The following HEMK2 variants were observed in gnomAD, a reference collection of about 807,000 sequenced individuals.
The protein encoded by HEMK2 is HemK methyltransferase 2, ETF1 glutamine and histone H4 lysine.
chr21:28,670,774 C>T, the HEMK2 span, among the ~76,000 whole-genome samples: 58 of 152,256 alleles, frequency 3.8e-4, 1 homozygote, highest in African/African-American at 1.4e-3. Context: ...GCTAAGGAGG[C>T]ATGTCTTACA....
chr21:28,678,127 AAAG>A, the HEMK2 span, among the ~76,000 whole-genome samples: 5 of 152,196 alleles, frequency 3.3e-5, no homozygotes, highest in Non-Finnish European at 7.3e-5. Context: ...AACCCATGGC[AAAG>A]AAGTTAAAAA....
chr21:28,864,910 T>TA, the HEMK2 span, among the ~76,000 whole-genome samples: 232 of 22,404 alleles, frequency 0.01, 2 homozygotes, highest in South Asian at 0.022. Context: ...TATAGATAGA[T>TA]GATATAGATA....
chr21:28,847,859 C>A, the HEMK2 span, among the ~76,000 whole-genome samples: 479 of 152,278 alleles, frequency 3.1e-3, 2 homozygotes, highest in Middle Eastern at 0.017. Flanking sequence ...TATCCCAGCA[C>A]CATTTACAGA....
chr21:28,576,650 G>A, the HEMK2 span, among the ~76,000 whole-genome samples: 1 of 151,982 alleles, frequency 6.6e-6, no homozygotes, highest in Non-Finnish European at 1.5e-5. Flanking sequence ...TGATTATGAA[G>A]ATGCACTCTA....
At chr21:28,758,510 T>TCC in the HEMK2 span, among the ~76,000 whole-genome samples, 1 of 151,852 alleles carries the variant, frequency 6.6e-6, no homozygotes, top group Admixed American at 6.6e-5. Context: ...GGAAAGGAAA[T>TCC]CCGTGTGGCA....
the HEMK2 span, among the ~76,000 whole-genome samples, chr21:28,600,259 C>A: frequency 1.3e-5 from 2 of 152,266 alleles, no homozygotes; most frequent in Non-Finnish European, 2.9e-5. Context: ...GGACATCCAA[C>A]TGCTTCTATA....
the HEMK2 span, among the ~76,000 whole-genome samples, chr21:28,589,229 G>A: frequency 3.9e-5 from 6 of 152,086 alleles, no homozygotes; most frequent in African/African-American, 9.7e-5. Context: ...GTATTATTCT[G>A]TATTGAGGTA....
At chr21:28,847,542 G>A in the HEMK2 span, among the ~76,000 whole-genome samples, 2 of 152,110 alleles carry the variant, frequency 1.3e-5, no homozygotes, top group Admixed American at 1.3e-4. Context: ...TGCATAGTTT[G>A]CAAATATTTT....
the HEMK2 span, among the ~76,000 whole-genome samples, chr21:28,879,239 C>G: frequency 1.3e-5 from 2 of 152,016 alleles, no homozygotes; most frequent in Non-Finnish European, 2.9e-5. Flanking sequence ...CGCAAGCCAC[C>G]ATGCCTGGCT....
At chr21:28,831,455 A>AAAAGAAAGAAAGAAAG in the HEMK2 span, among the ~76,000 whole-genome samples, 1 of 56,968 alleles carries the variant, frequency 1.8e-5, no homozygotes, top group Non-Finnish European at 3.0e-5. Context: ...AAAAAGAAAG[A>AAAAGAAAGAAAGAAAG]AAAGAACGAA....
the HEMK2 span, among the ~76,000 whole-genome samples, chr21:28,760,438 T>G: frequency 6.6e-6 from 1 of 152,228 alleles, no homozygotes; most frequent in Admixed American, 6.5e-5. Context: ...TAAACAGTTA[T>G]GTCTGTATTC....
At chr21:28,620,137 A>T in the HEMK2 span, among the ~76,000 whole-genome samples, 77 of 152,290 alleles carry the variant, frequency 5.1e-4, no homozygotes, top group African/African-American at 1.6e-3. Context: ...CCTGGTGGAT[A>T]AGCTTTTTGA....
chr21:28,617,270 A>G, the HEMK2 span, among the ~76,000 whole-genome samples: 1 of 152,218 alleles, frequency 6.6e-6, no homozygotes, highest in African/African-American at 2.4e-5. Context: ...GAGAAACTGA[A>G]GCACATCTGG....
At chr21:28,678,330 G>A in the HEMK2 span, among the ~76,000 whole-genome samples, 1 of 152,136 alleles carries the variant, frequency 6.6e-6, no homozygotes, top group South Asian at 2.1e-4. Flanking sequence ...GAAACGAGAA[G>A]AGAAGTTTAG....
the HEMK2 span, among the ~76,000 whole-genome samples, chr21:28,760,517 A>G: frequency 2.0e-5 from 3 of 152,218 alleles, no homozygotes; most frequent in Admixed American, 1.3e-4. Context: ...TTTTATACAG[A>G]TTACAGACTT....
the HEMK2 span, among the ~76,000 whole-genome samples, chr21:28,764,211 A>C: frequency 6.6e-6 from 1 of 152,140 alleles, no homozygotes; most frequent in Non-Finnish European, 1.5e-5. Flanking sequence ...ATAGCCAAGT[A>C]GAAATACCCA....
chr21:28,778,291 A>G, the HEMK2 span, among the ~76,000 whole-genome samples: 1 of 152,182 alleles, frequency 6.6e-6, no homozygotes, highest in Non-Finnish European at 1.5e-5. Context: ...CGAATGTATG[A>G]GTCTTCCATT....
At chr21:28,584,685 C>G in the HEMK2 span, among the ~76,000 whole-genome samples, 6 of 152,048 alleles carry the variant, frequency 3.9e-5, no homozygotes, top group Non-Finnish European at 7.4e-5. Context: ...CCCAGGGGAG[C>G]AGGGTACTGT....
the HEMK2 span, among the ~76,000 whole-genome samples, chr21:28,824,583 G>A: frequency 3.3e-5 from 5 of 152,204 alleles, no homozygotes; most frequent in South Asian, 2.1e-4. Context: ...TTAGTACTCC[G>A]CCTGAGATCA....
Sources: gnomAD v4.1 joint callset for allele counts (sites outside exome capture counted in the v4.1 genomes callset) on GRCh38, gnomAD v4.1.1 for gene constraint, MANE v1.5 for transcripts, NCBI Gene and HGNC (gene_info 2026-07-23, HGNC 2026-07-21) for gene names.